PSG8: variants seen among roughly 807,000 people sequenced by gnomAD.
PSG8 encodes pregnancy-specific beta-1-glycoprotein 8.
PSG8 carries 57 observed loss-of-function variants against 42.5 expected under a neutral mutation model. The observed-to-expected ratio is 1.34, with a 90% confidence interval of 1.08 to 1.67. The LOEUF (loss-of-function observed/expected upper bound fraction) is 1.67, where lower values mean the gene tolerates loss of function less well. Among genes scored for constraint, PSG8 ranks in the 40% most tolerant of loss-of-function variants. PSG8 has a pLI of 0.00. For synonymous variants in PSG8, 280 were observed against 196.8 expected (o/e 1.42, Z -3.54); for missense variants, 783 against 518.6 (o/e 1.51, Z -4.95).
chr19:42,757,414 C>T (rs970624672), intron 3 of PSG8, among the ~76,000 whole-genome samples: 2 of 151,948 alleles, frequency 1.3e-5, no homozygotes, highest in Non-Finnish European at 1.5e-5. Flanking sequence ...CAGACATAGA[C>T]CCCTCTATAT....
chr19:42,763,778 G>C lies in PSG8; in HGVS notation c.430+138C>G, dbSNP rs557899960. On this transcript the variant is annotated intron_variant, in intron 2 of 4. Transcript: ENST00000306511. ...AATTTGTCTCCTCTGTGTGTGTCCT[G>C]CACTAAATGCCCAAACCCCAGCATG... The C allele has an allele frequency of 1.8e-4, 274 of 1,495,438 alleles. 4 individuals carry two copies. In the South Asian group the frequency reaches 2.6e-3, roughly 14 times the overall value. The allele number at this position is 1,495,438 out of a possible 1,614,324, so 92.6% of individuals were successfully genotyped here.
At chr19:42,753,419 G>A (rs768055435), downstream of PSG8, 4 of 777,614 alleles carry the variant, frequency 5.1e-6, 1 homozygote, top group East Asian at 2.4e-5. Flanking sequence ...GAACAGAGAT[G>A]CAATCTCATA....
intron 2 of PSG8, among the ~76,000 whole-genome samples, chr19:42,761,411 C>T (rs147326527): frequency 2.6e-5 from 4 of 152,250 alleles, no homozygotes; most frequent in East Asian, 1.9e-4. Flanking sequence ...CTGACTGCTC[C>T]GATGTCATTT....
rs372347417 is a variant in PSG8, at chr19:42,760,302, C to T, written c.431-2022G>A. Among the ~76,000 whole-genome samples, 30 of 152,290 alleles carry T rather than the reference C, an allele frequency of 2.0e-4. 1 individual carries two copies. Among genetic ancestry groups the T allele is most frequent in the Admixed American group, 8.5e-4 (13 of 15,304 alleles). ...AGTAAAACCATCAGATAGCACCCAC[C>T]TGGCCACCTCCAACTGGTCCCCAAA... On this transcript the variant is annotated intron_variant, in intron 2 of 4. Coordinates refer to ENST00000306511, the MANE Select transcript of PSG8 (RefSeq NM_182707.3).
At chr19:42,764,370 G>A (rs1970161555) in intron 1 of PSG8, 89 bp from the exon 2 acceptor site, 18 of 1,527,176 alleles carry the variant, frequency 1.2e-5, no homozygotes, top group East Asian at 9.0e-5. Context: ...GTTCTCTTCA[G>A]TCCTCAGCCT....
At chr19:42,764,887 T>C (rs557489534) in intron 1 of PSG8, among the ~76,000 whole-genome samples, 112 of 151,996 alleles carry the variant, frequency 7.4e-4, no homozygotes, top group African/African-American at 2.0e-3. Flanking sequence ...TGTTTTTTTT[T>C]CCCCCCAATT....
chr19:42,763,911 C>G lies in PSG8; in HGVS notation c.430+5G>C. 2 of 1,613,626 alleles carry G rather than the reference C, an allele frequency of 1.2e-6. No individual in the cohort carries two copies. The highest frequency in any genetic ancestry group is 2.2e-5 in the East Asian group (1 of 44,878). On this transcript the variant is annotated splice_donor_5th_base_variant and intron_variant, in intron 2 of 4. Coordinates refer to ENST00000306511, the MANE Select transcript of PSG8 (RefSeq NM_182707.3). ...AACACCCAGGGATCATGTGGAATCACTCACGATATAAGGTGAAGGTGAAAT... is the reference window on the plus strand; with the variant it reads ...AACACCCAGGGATCATGTGGAATCAGTCACGATATAAGGTGAAGGTGAAAT...
chr19:42,753,907 G>C (rs963767516), downstream of PSG8: 2 of 513,530 alleles, frequency 3.9e-6, no homozygotes, highest in African/African-American at 2.0e-5. Context: ...GGGCAGTCAG[G>C]TAGAAAGCAA....
chr19:42,754,153 C>A, downstream of PSG8: 1 of 1,450,230 alleles, frequency 6.9e-7, no homozygotes, highest in Non-Finnish European at 9.3e-7. Flanking sequence ...AAGATATCAG[C>A]CTGTTTGTTA....
intron 2 of PSG8, among the ~76,000 whole-genome samples, chr19:42,759,984 G>A (rs905407529): frequency 1.6e-4 from 24 of 152,108 alleles, no homozygotes; most frequent in Admixed American, 1.2e-3. Context: ...CATAAAGGGA[G>A]GAATGATGCC....
chr19:42,756,682 G>C (rs903942069), intron 3 of PSG8, among the ~76,000 whole-genome samples: 3 of 151,984 alleles, frequency 2.0e-5, no homozygotes, highest in Admixed American at 6.6e-5. Context: ...ATTCCATACT[G>C]GCCATGCCTC....
chr19:42,758,221 C>A lies in PSG8; in HGVS notation c.490G>T (p.Ala164Ser). 4 of 1,614,052 alleles carry A rather than the reference C, an allele frequency of 2.5e-6. No individual in the cohort carries two copies. In the South Asian group the frequency reaches 4.4e-5, roughly 18 times the overall value. ...TCAGGATCACAGGTTAAGCTCACAG[C>A]CTCCATGGCCTCCCTGGGGTTTAAT... Reference protein sequence around the residue: ...SKLNPREAMEAVSLTCDPETP... With the variant: ...SKLNPREAMESVSLTCDPETP... The change falls in exon 3 of 5, where the codon GCT (alanine) becomes TCT (serine). Residue 164 changes from alanine (A) to serine (S), a missense_variant. By Grantham distance (99) the Ala-to-Ser change is moderately conservative (BLOSUM62 1). Transcript: ENST00000306511.
chr19:42,762,869 T>C (rs1970112783), intron 2 of PSG8, among the ~76,000 whole-genome samples: 1 of 152,084 alleles, frequency 6.6e-6, no homozygotes, highest in Non-Finnish European at 1.5e-5. Flanking sequence ...ATGGGGTGCT[T>C]GGAAGCCAGT....
chr19:42,758,118 G>A lies in PSG8; in HGVS notation c.593C>T (p.Thr198Ile). The A allele has an allele frequency of 6.2e-7, 1 of 1,614,014 alleles. No individual in the cohort carries two copies. The highest frequency in any genetic ancestry group is 8.5e-7 in the Non-Finnish European group (1 of 1,179,950). ...ACCCAATAGAAAGAGGGTCCTGTTGGTTTCAGACAACTGCAACCTGTGAGA... is the reference window on the plus strand; with the variant it reads ...ACCCAATAGAAAGAGGGTCCTGTTGATTTCAGACAACTGCAACCTGTGAGA... The part of the protein sequence containing the change: ...PMSHRLQLSE[T>I]NRTLFLLGVT... The change falls in exon 3 of 5, where the codon ACC becomes ATC. Residue 198 changes from threonine to isoleucine, a missense_variant. By Grantham distance (89) the Thr-to-Ile change is moderately conservative. Coordinates refer to ENST00000306511, the MANE Select transcript of PSG8 (RefSeq NM_182707.3).
At position 42,755,537 on chromosome 19, in the gene PSG8, C is replaced by T. The variant is rs185090055; in HGVS notation, c.710-271G>A. The T allele has an allele frequency of 2.1e-4, 152 of 730,208 alleles. 1 individual carries two copies. The highest frequency in any genetic ancestry group is 8.3e-4 in the Middle Eastern group (2 of 2,406). The allele number at this position is 730,208 out of a possible 1,614,324, so 45.2% of individuals were successfully genotyped here. The stretch of plus-strand genomic sequence containing the variant: ...TGGACAGACACGTCAGTGGAAGTCA[C>T]AGCCCCTGGTATCCCTCCCAGTCCC... On this transcript the variant is annotated intron_variant, in intron 3 of 4. Coordinates refer to ENST00000306511, the MANE Select transcript of PSG8 (RefSeq NM_182707.3).
chr19:42,763,763 C>T (rs575313247), intron 2 of PSG8, 153 bp downstream of exon 2: 400 of 1,432,050 alleles, frequency 2.8e-4, no homozygotes, highest in South Asian at 3.7e-4. Flanking sequence ...AATTTGTCTC[C>T]TCTGTGTGTG....
intron 2 of PSG8, chr19:42,758,813 A>G (rs1969999786): frequency 1.2e-5 from 2 of 162,800 alleles, no homozygotes; most frequent in Admixed American, 1.1e-4. Context: ...GGGAGAACAG[A>G]GTCAAGTCCG....
Position 42,765,673 on chromosome 19 carries a change from CCTT to C in PSG8, c.-95_-93del, listed in dbSNP as rs942835211. On this transcript the variant is annotated 5_prime_UTR_variant, in exon 1 of 5. Transcript: ENST00000306511. The stretch of plus-strand genomic sequence containing the variant: ...AGCTCTCAGCAGTGCTGTCCTGCCT[CCTT>C]CTGCGCTGAGCTTCTTCCCGGGGCA... 98 of 1,530,792 alleles carry C rather than the reference CCTT, an allele frequency of 6.4e-5. 1 individual carries two copies. The African/African-American group carries it at 1.1e-3, about 18-fold the overall frequency. 94.8% of individuals were successfully genotyped at this position (1,530,792 alleles called of 1,614,324 possible).
At chr19:42,764,420 A>T in intron 1 of PSG8, 139 bp from the exon 2 acceptor site, 1 of 1,409,258 alleles carries the variant, frequency 7.1e-7, no homozygotes, top group Non-Finnish European at 9.6e-7. Flanking sequence ...ACACGCACAC[A>T]CACACACAAA....
Sources: allele counts gnomAD v4.1 joint callset (sites outside exome capture counted in the v4.1 genomes callset), GRCh38; gene constraint gnomAD v4.1.1; transcripts MANE v1.5; gene names NCBI Gene and HGNC (gene_info 2026-07-23, HGNC 2026-07-21).